The following PDZRN4 variants were observed in gnomAD, a reference collection of about 807,000 sequenced individuals.
PDZRN4 encodes the protein PDZ domain containing ring finger 4.
Under a neutral mutation model 99.0 loss-of-function variants are expected in PDZRN4, and 70 were observed. That is an observed-to-expected ratio of 0.71 (90% CI 0.58 to 0.86). PDZRN4 has a LOEUF of 0.86. PDZRN4 is among the 40% of genes least tolerant of loss of function. The pLI, the probability that PDZRN4 is intolerant of heterozygous loss-of-function variation, is 0.00. For missense variants in PDZRN4, 1,474 were observed against 1,331.2 expected (o/e 1.11, Z -1.67); for synonymous variants, 551 against 501.6 (o/e 1.10, Z -1.32).
At chr12:41,387,943 T>C (rs557917545) in intron 3 of PDZRN4, among the ~76,000 whole-genome samples, 1 of 152,248 alleles carries the variant, frequency 6.6e-6, no homozygotes, top group African/African-American at 2.4e-5. Context: ...CCCAAAGGAG[T>C]ATAACTCACT....
intron 3 of PDZRN4, chr12:41,437,745 C>A: frequency 6.7e-7 from 1 of 1,483,102 alleles, no homozygotes; most frequent in Non-Finnish European, 8.9e-7. Flanking sequence ...GTGCAAGATA[C>A]TTAGGGAAAG....
At chr12:41,242,942 T>C (rs1005068685) in intron 3 of PDZRN4, among the ~76,000 whole-genome samples, 11 of 152,194 alleles carry the variant, frequency 7.2e-5, no homozygotes, top group African/African-American at 2.7e-4. Context: ...CTTAATAAAC[T>C]TCTGGCTCCT....
chr12:41,438,588 TG>T (rs1272585166), intron 3 of PDZRN4, among the ~76,000 whole-genome samples: 1 of 152,240 alleles, frequency 6.6e-6, no homozygotes, highest in Non-Finnish European at 1.5e-5. Context: ...CACTTGTTAT[TG>T]GATCCTTTTT....
At chr12:41,515,102 G>C (rs1199408950) in intron 5 of PDZRN4, among the ~76,000 whole-genome samples, 1 of 152,044 alleles carries the variant, frequency 6.6e-6, no homozygotes, top group Non-Finnish European at 1.5e-5. Context: ...CTAGCCAGCG[G>C]GGGCTGTCTC....
chr12:41,300,301 A>T (rs1356560330), intron 3 of PDZRN4, among the ~76,000 whole-genome samples: 2 of 151,962 alleles, frequency 1.3e-5, no homozygotes, highest in African/African-American at 4.8e-5. Context: ...GTACTATGTC[A>T]GTAAGTGATA....
At chr12:41,501,295 ACTT>A (rs1321152877) in intron 3 of PDZRN4, among the ~76,000 whole-genome samples, 15 of 152,236 alleles carry the variant, frequency 9.9e-5, no homozygotes, top group Middle Eastern at 3.4e-3. Context: ...TTATTCATGC[ACTT>A]GTTAGCACTT....
chr12:41,325,621 A>AACT (rs1237741715), intron 3 of PDZRN4, among the ~76,000 whole-genome samples: 1 of 152,162 alleles, frequency 6.6e-6, no homozygotes, highest in Non-Finnish European at 1.5e-5. Context: ...CGGGTTAGTT[A>AACT]AGAGCAACAC....
chr12:41,311,068 C>T (rs1386032922), intron 3 of PDZRN4, among the ~76,000 whole-genome samples: 1 of 151,964 alleles, frequency 6.6e-6, no homozygotes, highest in Non-Finnish European at 1.5e-5. Context: ...CTTATTACAC[C>T]AAATCATCAA....
rs543209811 is a variant in PDZRN4, at chr12:41,291,107, G to T, written c.843+96919G>T. On this transcript the variant is annotated intron_variant, in intron 3 of 9. Transcript: ENST00000402685. ...CTTATAAAACACTTTCAAGATGTCT[G>T]AATTATGTTATCCATTAGATTATAT... Among the ~76,000 whole-genome samples the T allele has an allele frequency of 9.9e-5, 15 of 152,108 alleles. No homozygotes were observed. The East Asian group carries it at 2.7e-3, about 27-fold the overall frequency.
At chr12:41,480,185 G>A (rs1179938989) in intron 3 of PDZRN4, among the ~76,000 whole-genome samples, 4 of 152,078 alleles carry the variant, frequency 2.6e-5, no homozygotes, top group Admixed American at 6.6e-5. Context: ...TGAGAGAGCA[G>A]CTGGCCTGTT....
chr12:41,343,333 C>G (rs1302485421), intron 3 of PDZRN4, among the ~76,000 whole-genome samples: 2 of 151,914 alleles, frequency 1.3e-5, no homozygotes, highest in African/African-American at 2.4e-5. Flanking sequence ...TGAAACTTCT[C>G]TCTTCTTTTC....
intron 3 of PDZRN4, among the ~76,000 whole-genome samples, chr12:41,434,823 C>A (rs866118897): frequency 6.6e-6 from 1 of 152,082 alleles, no homozygotes; most frequent in African/African-American, 2.4e-5. Flanking sequence ...TTTTTTATCC[C>A]GTATTATTAT....
At chr12:41,508,537 G>T (rs768833809) in intron 4 of PDZRN4, among the ~76,000 whole-genome samples, 2 of 152,132 alleles carry the variant, frequency 1.3e-5, no homozygotes, top group Non-Finnish European at 2.9e-5. Context: ...CCTCACAGCA[G>T]GGCTCCCTTC....
intron 3 of PDZRN4, among the ~76,000 whole-genome samples, chr12:41,312,327 T>C (rs2120952901): frequency 6.6e-6 from 1 of 152,088 alleles, no homozygotes; most frequent in East Asian, 1.9e-4. Flanking sequence ...ACTTCCAAAA[T>C]CATTCCACTG....
chr12:41,316,800 T>G (rs1029240432), intron 3 of PDZRN4, among the ~76,000 whole-genome samples: 2 of 151,654 alleles, frequency 1.3e-5, no homozygotes, highest in African/African-American at 2.4e-5. Flanking sequence ...TTCTGATACT[T>G]TCAGTCATGC....
chr12:41,304,908 C>CA (rs1951559293), intron 3 of PDZRN4, among the ~76,000 whole-genome samples: 1 of 152,176 alleles, frequency 6.6e-6, no homozygotes, highest in Admixed American at 6.5e-5. Context: ...ACTTCATAAA[C>CA]ATACTACATG....
intron 3 of PDZRN4, among the ~76,000 whole-genome samples, chr12:41,310,047 C>G (rs945468130): frequency 1.3e-5 from 2 of 151,954 alleles, no homozygotes; most frequent in African/African-American, 4.8e-5. Context: ...ATTCTTTTGT[C>G]TCAGCCTCCT....
At chr12:41,525,386 T>C (rs563710285) in intron 5 of PDZRN4, among the ~76,000 whole-genome samples, 80 of 152,340 alleles carry the variant, frequency 5.3e-4, no homozygotes, top group African/African-American at 1.9e-3. Context: ...GACACTCAGG[T>C]TCTTTACCTG....
Position 41,509,879 on chromosome 12 carries a change from C to A in PDZRN4, c.1169C>A (p.Ala390Asp). Residue 390 changes from alanine (A) to aspartate (D), a missense_variant, in exon 5 of 10, where the codon GCT becomes GAT. Coordinates refer to ENST00000402685, the MANE Select transcript of PDZRN4 (RefSeq NM_001164595.2). ...AATGAGTATATTTCCAGCTTGCCTG[C>A]TGATGCAGACAGAACAGAAGACTTT... ...EDNEYISSLP[A>D]DADRTEDFEY... 2 of 1,596,708 alleles carry A rather than the reference C, an allele frequency of 1.3e-6. No individual in the cohort carries two copies. Among genetic ancestry groups the A allele is most frequent in the Non-Finnish European group, 1.7e-6 (2 of 1,166,854 alleles).
Sources: gnomAD v4.1 joint callset for allele counts (sites outside exome capture counted in the v4.1 genomes callset) on GRCh38, gnomAD v4.1.1 for gene constraint, MANE v1.5 for transcripts, NCBI Gene and HGNC (gene_info 2026-07-23, HGNC 2026-07-21) for gene names.